The following SLC39A10 variants were observed in gnomAD, a reference collection of about 807,000 sequenced individuals.
SLC39A10 encodes the protein zinc transporter ZIP10.
In SLC39A10, 13 loss-of-function variants were observed where a neutral mutation model predicts 65.1. That is an observed-to-expected ratio of 0.20 (90% CI 0.13 to 0.32). The LOEUF (loss-of-function observed/expected upper bound fraction) is 0.32. Ranked by LOEUF, SLC39A10 falls within the 10% of genes least tolerant of loss-of-function variation. The probability of loss-of-function intolerance (pLI) is 1.00; values close to 1 mark genes in which losing one functional copy is unlikely to be tolerated. For missense variants in SLC39A10, 831 were observed against 1,018.4 expected, an observed-to-expected ratio of 0.82 and a Z score of 2.50; for synonymous variants, 321 against 342.2, an observed-to-expected ratio of 0.94 and a Z score of 0.68.
At chr2:195,669,074 GAA>G (rs11440320) in intron 1 of SLC39A10, among the ~76,000 whole-genome samples, 1 of 135,032 alleles carries the variant, frequency 7.4e-6, no homozygotes, top group Non-Finnish European at 1.6e-5. Flanking sequence ...CTCCCTCTCA[GAA>G]AAAAAAAAAA....
At chr2:195,622,795 A>G (rs1046549729) in intron 2 of SLC39A10, among the ~76,000 whole-genome samples, 2 of 152,072 alleles carry the variant, frequency 1.3e-5, no homozygotes, top group African/African-American at 4.8e-5. Flanking sequence ...AGATGGTGAA[A>G]CCCTGTCTCT....
At chr2:195,693,620 T>A (rs1160776873) in intron 3 of SLC39A10, among the ~76,000 whole-genome samples, 1 of 152,192 alleles carries the variant, frequency 6.6e-6, no homozygotes, top group East Asian at 1.9e-4. Flanking sequence ...AGTAATAATC[T>A]TTTGTATTTC....
intron 3 of SLC39A10, among the ~76,000 whole-genome samples, chr2:195,699,854 T>C (rs750390997): frequency 5.3e-5 from 8 of 152,140 alleles, no homozygotes; most frequent in Non-Finnish European, 7.4e-5. Context: ...TTATTCATTA[T>C]TGAAAGTGGA....
At chr2:195,648,314 T>A (rs1175806464) in intron 2 of SLC39A10, among the ~76,000 whole-genome samples, 1 of 152,158 alleles carries the variant, frequency 6.6e-6, no homozygotes, top group Non-Finnish European at 1.5e-5. Context: ...GCTTCTTATA[T>A]CAAGACTGTG....
At chr2:195,616,911 CT>C (rs1688227846) in intron 2 of SLC39A10, among the ~76,000 whole-genome samples, 1 of 152,130 alleles carries the variant, frequency 6.6e-6, no homozygotes, top group Non-Finnish European at 1.5e-5. Context: ...CCCGGAAAAT[CT>C]TTTGTTAAAG....
chr2:195,693,574 T>TG (rs1238322816), intron 3 of SLC39A10, among the ~76,000 whole-genome samples: 1 of 152,160 alleles, frequency 6.6e-6, no homozygotes, highest in Non-Finnish European at 1.5e-5. Context: ...CTAGGTTTTC[T>TG]GGTTTATGTG....
chr2:195,680,064 A>C lies in SLC39A10; in HGVS notation c.22A>C (p.Lys8Gln). The part of the protein sequence containing the change: MKVHMHT[K>Q]FCLICLLTFI... ...AGAAATGAAGGTACATATGCACACA[A>C]AATTTTGCCTCATTTGTTTGCTGAC... The change falls in exon 2 of 10, where the codon AAA becomes CAA. Residue 8 changes from lysine (K) to glutamine (Q), a missense_variant. By Grantham distance (53) the Lys-to-Gln change is moderately conservative. Coordinates refer to ENST00000359634, the MANE Select transcript of SLC39A10 (RefSeq NM_020342.3). 1 of 1,602,338 alleles carries C rather than the reference A, an allele frequency of 6.2e-7. No individual in the cohort carries two copies.
intron 2 of SLC39A10, among the ~76,000 whole-genome samples, chr2:195,633,455 T>C (rs1044571329): frequency 1.3e-5 from 2 of 152,224 alleles, no homozygotes; most frequent in African/African-American, 2.4e-5. Context: ...TTTTAGTTTT[T>C]GCCATCTGCA....
At chr2:195,671,319 T>A (rs769332192) in intron 1 of SLC39A10, among the ~76,000 whole-genome samples, 1 of 152,218 alleles carries the variant, frequency 6.6e-6, no homozygotes, top group Non-Finnish European at 1.5e-5. Flanking sequence ...TGTGGTTATG[T>A]ATTGGAAATC....
chr2:195,671,639 T>G lies in SLC39A10; in HGVS notation c.-11-8393T>G, dbSNP rs538438680. ...ATATGGGCTTCTACCATTTCCCCCA[T>G]TCCTGTCTCCATCTCAGAGATCCTC... On this transcript the variant is annotated intron_variant, in intron 1 of 9. Transcript: ENST00000359634. 2.0e-5 allele frequency: 3 copies of G among 152,336 alleles called. No individual in the cohort carries two copies. The East Asian group carries it at 5.8e-4, about 29-fold the overall frequency. The allele number at this position is 152,336 out of a possible 1,614,324, so 9.4% of individuals were successfully genotyped here. A position where few individuals can be genotyped will look rare whatever the true frequency, so the allele number is the denominator to read the frequency against.
chr2:195,619,531 T>A (rs932557057), intron 2 of SLC39A10, among the ~76,000 whole-genome samples: 4 of 152,178 alleles, frequency 2.6e-5, no homozygotes, highest in Non-Finnish European at 5.9e-5. Flanking sequence ...TGAGGTGTGA[T>A]GTGCCTAGCT....
Position 195,718,286 on chromosome 2 carries a change from C to G in SLC39A10, c.2100C>G (p.Ile700Met), listed in dbSNP as rs1188782240. Residue 700 changes from isoleucine to methionine, a missense_variant, in exon 8 of 10, where the codon ATC (isoleucine) becomes ATG (methionine). By Grantham distance (10) the Ile-to-Met change is conservative. Transcript: ENST00000359634. ...TCAGTGCTGGATTGACAGGAGGAATCAGTACTTCTATAGCCGTCTTCTGTC... is the reference window on the plus strand; with the variant it reads ...TCAGTGCTGGATTGACAGGAGGAATGAGTACTTCTATAGCCGTCTTCTGTC... ...AAFSAGLTGGISTSIAVFCHE... is the reference protein window; with the variant it reads ...AAFSAGLTGGMSTSIAVFCHE... 6.2e-7 allele frequency: 1 copy of G among 1,607,716 alleles called. No homozygotes were observed. The highest frequency in any genetic ancestry group is 1.1e-5 in the South Asian group (1 of 90,272).
chr2:195,695,754 T>C (rs900640884), intron 3 of SLC39A10, among the ~76,000 whole-genome samples: 6 of 152,220 alleles, frequency 3.9e-5, no homozygotes, highest in African/African-American at 1.4e-4. Context: ...TAATCCGTAA[T>C]TGTCTTTTGA....
chr2:195,719,785 A>ATTT (rs199564422), intron 8 of SLC39A10, among the ~76,000 whole-genome samples: 2 of 134,426 alleles, frequency 1.5e-5, no homozygotes, highest in Non-Finnish European at 1.6e-5. Context: ...CGCCTGGCTA[A>ATTT]TTTTTGTTTT....
chr2:195,724,616 C>G (rs941261612), intron 8 of SLC39A10, among the ~76,000 whole-genome samples: 1 of 151,998 alleles, frequency 6.6e-6, no homozygotes, highest in Non-Finnish European at 1.5e-5. Context: ...TAATATTTAG[C>G]TTAAATCTAA....
intron 5 of SLC39A10, 101 bp downstream of exon 5, chr2:195,708,945 T>G (rs1691505109): frequency 1.2e-6 from 1 of 842,192 alleles, no homozygotes; most frequent in South Asian, 2.0e-5. Context: ...TTGGTGTGTA[T>G]TAAGTCTCAG....
chr2:195,692,403 G>T (rs1690779449), intron 3 of SLC39A10, among the ~76,000 whole-genome samples: 1 of 152,060 alleles, frequency 6.6e-6, no homozygotes. Context: ...TATTTTGATG[G>T]AAATTGCATT....
chr2:195,652,409 C>T (rs530146489), upstream of SLC39A10, among the ~76,000 whole-genome samples: 7 of 151,844 alleles, frequency 4.6e-5, no homozygotes, highest in African/African-American at 9.7e-5. Context: ...ACTAGCTGGG[C>T]GTGGTGGTAG....
At chr2:195,730,996 CTTTT>C (rs1159983396) in intron 9 of SLC39A10, among the ~76,000 whole-genome samples, 2 of 152,172 alleles carry the variant, frequency 1.3e-5, no homozygotes, top group Admixed American at 6.5e-5. Flanking sequence ...CCATCTTTCT[CTTTT>C]TAACTACTCT....
Sources: gnomAD v4.1 joint callset for allele counts (sites outside exome capture counted in the v4.1 genomes callset) on GRCh38, gnomAD v4.1.1 for gene constraint, MANE v1.5 for transcripts, NCBI Gene and HGNC (gene_info 2026-07-23, HGNC 2026-07-21) for gene names.